The following SERPINA6 variants were observed in gnomAD, a reference collection of about 807,000 sequenced individuals.
SERPINA6 encodes the protein serpin family A member 6.
Under a neutral mutation model 26.4 loss-of-function variants are expected in SERPINA6, and 19 were observed. That is an observed-to-expected ratio of 0.72 (90% CI 0.50 to 1.06). The LOEUF is 1.06. Ranked by LOEUF, SERPINA6 falls within the 50% of genes least tolerant of loss-of-function variation. SERPINA6 has a pLI of 0.00. For missense variants in SERPINA6, 473 were observed against 504.0 expected (o/e 0.94, Z 0.59); for synonymous variants, 196 against 199.4 (o/e 0.98, Z 0.14).
chr14:94,314,253 A>G lies in SERPINA6; in HGVS notation c.396T>C (p.Phe132=). 1 of 1,614,226 alleles carries G rather than the reference A, an allele frequency of 6.2e-7. No individual in the cohort carries two copies. Among genetic ancestry groups the G allele is most frequent in the Non-Finnish European group, 8.5e-7 (1 of 1,180,046 alleles). The change falls in exon 2 of 5, where the codon TTT becomes TTC. Residue 132 remains phenylalanine (F), a synonymous_variant. Coordinates refer to ENST00000341584, the MANE Select transcript of SERPINA6 (RefSeq NM_001756.4). Reference sequence around the variant, plus strand: ...CCAGCAACTCCAGGCTGCCATCAAGAAACAAGGCATTGCCCATGGTCATTT... The same window carrying G: ...CCAGCAACTCCAGGCTGCCATCAAGGAACAAGGCATTGCCCATGGTCATTT... The part of the protein sequence containing the change: ...SLEMTMGNAL[F]LDGSLELLES...
chr14:94,321,414 C>T (rs1325069220), intron 1 of SERPINA6, among the ~76,000 whole-genome samples: 1 of 152,186 alleles, frequency 6.6e-6, no homozygotes, highest in East Asian at 1.9e-4. Context: ...CCTCCAGCCT[C>T]AAATCTGGCC....
intron 3 of SERPINA6, among the ~76,000 whole-genome samples, chr14:94,307,023 C>A (rs911213248): frequency 6.6e-6 from 1 of 152,120 alleles, no homozygotes; most frequent in African/African-American, 2.4e-5. Flanking sequence ...GCAAAAGCAG[C>A]CCTGAGTGAG....
chr14:94,323,109 A>G (rs1157223403), intron 1 of SERPINA6, among the ~76,000 whole-genome samples, 158 bp downstream of exon 1: 1 of 152,192 alleles, frequency 6.6e-6, no homozygotes, highest in East Asian at 1.9e-4. Context: ...GGAAAATCCT[A>G]ACCAGATTGC....
At position 94,304,490 on chromosome 14, in the gene SERPINA6, G is replaced by C. The variant is rs140038394; in HGVS notation, c.1146C>G (p.Pro382=). 267 of 1,614,152 alleles carry C rather than the reference G, an allele frequency of 1.7e-4. 1 individual carries two copies. In the African/African-American group the frequency reaches 2.9e-3, roughly 17 times the overall value. ...SKPIILRFNQ[P]FIIMIFDHFT... ...AGTGGTCGAAGATCATGATGATGAA[G>C]GGCTGGTTGAAACGCAAGATGATAG... The change falls in exon 5 of 5, where the codon CCC becomes CCG. Residue 382 remains proline (P), a synonymous_variant. Transcript: ENST00000341584.
intron 1 of SERPINA6, among the ~76,000 whole-genome samples, chr14:94,318,842 C>T (rs528324441): frequency 6.6e-6 from 1 of 152,188 alleles, no homozygotes; most frequent in South Asian, 2.1e-4. Flanking sequence ...CTTTGTTCAT[C>T]AAAGGATACT....
At chr14:94,305,933 G>T in intron 4 of SERPINA6, 138 bp downstream of exon 4, 1 of 873,566 alleles carries the variant, frequency 1.1e-6, no homozygotes, top group Non-Finnish European at 1.8e-6. Context: ...GTGAGACAAG[G>T]GGCTTTGACT....
At chr14:94,319,039 G>T (rs779769820) in intron 1 of SERPINA6, among the ~76,000 whole-genome samples, 7 of 152,166 alleles carry the variant, frequency 4.6e-5, no homozygotes, top group Non-Finnish European at 8.8e-5. Context: ...ACATACAAAT[G>T]GCCAGTAAGC....
intron 1 of SERPINA6, among the ~76,000 whole-genome samples, chr14:94,321,710 A>G (rs772841361): frequency 9.9e-5 from 15 of 152,050 alleles, no homozygotes; most frequent in East Asian, 7.7e-4. Context: ...GGCTCACTCC[A>G]TCTTGTCCTT....
At position 94,314,142 on chromosome 14, in the gene SERPINA6, C is replaced by G. The variant is rs760494725; in HGVS notation, c.507G>C (p.Gln169His). The G allele has an allele frequency of 6.2e-7, 1 of 1,614,210 alleles. No homozygotes were observed. Among genetic ancestry groups the G allele is most frequent in the East Asian group, 2.2e-5 (1 of 44,884 alleles). Reference protein sequence around the residue: ...NFQDWATASRQINSYVKNKTQ... With the variant: ...NFQDWATASRHINSYVKNKTQ... The stretch of plus-strand genomic sequence containing the variant: ...TCTTATTCTTGACATAGCTGTTGAT[C>G]TGTCTGCTGGCTGTTGCCCAGTCCT... Residue 169 changes from glutamine to histidine, a missense_variant, in exon 2 of 5, where the codon CAG (glutamine) becomes CAC (histidine). By Grantham distance (24) the Gln-to-His change is conservative (BLOSUM62 0). Coordinates refer to ENST00000341584, the MANE Select transcript of SERPINA6 (RefSeq NM_001756.4).
At chr14:94,316,646 C>T (rs947991538) in intron 1 of SERPINA6, among the ~76,000 whole-genome samples, 1 of 152,150 alleles carries the variant, frequency 6.6e-6, no homozygotes, top group African/African-American at 2.4e-5. Context: ...GAATTAGTGC[C>T]TACATAAAAG....
intron 1 of SERPINA6, among the ~76,000 whole-genome samples, chr14:94,322,004 C>T (rs941599): frequency 0.2 from 30,489 of 152,146 alleles, 3,437 homozygotes; most frequent in East Asian, 0.39. Flanking sequence ...GAATACCAGA[C>T]GTGGCTGTTA....
intron 2 of SERPINA6, among the ~76,000 whole-genome samples, chr14:94,313,429 A>G (rs1370821980): frequency 2.6e-5 from 4 of 152,224 alleles, no homozygotes; most frequent in Non-Finnish European, 5.9e-5. Context: ...TGTAAGTCAA[A>G]GAGGAAGGCA....
intron 3 of SERPINA6, among the ~76,000 whole-genome samples, chr14:94,307,704 G>A (rs1029431680): frequency 6.6e-6 from 1 of 152,168 alleles, no homozygotes; most frequent in Non-Finnish European, 1.5e-5. Context: ...TCACACCCAC[G>A]CATATATATG....
chr14:94,318,031 C>T (rs930157958), intron 1 of SERPINA6, among the ~76,000 whole-genome samples: 3 of 152,090 alleles, frequency 2.0e-5, no homozygotes, highest in Non-Finnish European at 2.9e-5. Flanking sequence ...TTGCATTTCC[C>T]ACCACTAACA....
rs542306048 is a variant in SERPINA6, at chr14:94,319,913, G to T, written c.-20+3354C>A. 2.6e-5 allele frequency among the ~76,000 whole-genome samples: 4 copies of T among 152,258 alleles called. No homozygotes were observed. The South Asian group carries it at 8.3e-4, about 32-fold the overall frequency. Reference sequence around the variant, plus strand: ...CACAACAATGTGAATGTACTTTTATGAACTGTATGCTTGTAGTTAAAACGT... The same window carrying T: ...CACAACAATGTGAATGTACTTTTATTAACTGTATGCTTGTAGTTAAAACGT... On this transcript the variant is annotated intron_variant, in intron 1 of 4. Coordinates refer to ENST00000341584, the MANE Select transcript of SERPINA6 (RefSeq NM_001756.4).
chr14:94,309,075 C>A lies in SERPINA6; in HGVS notation c.884+661G>T, dbSNP rs375187709. 2.6e-4 allele frequency among the ~76,000 whole-genome samples: 40 copies of A among 152,354 alleles called. No homozygotes were observed. In the East Asian group the frequency reaches 3.7e-3, roughly 14 times the overall value. On this transcript the variant is annotated intron_variant, in intron 3 of 4. Coordinates refer to ENST00000341584, the MANE Select transcript of SERPINA6 (RefSeq NM_001756.4). ...TGACCTTGCCTGAGTGTCAACCCTG[C>A]ACCAGCCCCTTGCTTGGGCCTGAGG...
rs1329784214 is a variant in SERPINA6, at chr14:94,309,883, G to A, written c.737C>T (p.Ser246Leu). The change falls in exon 3 of 5, where the codon TCG becomes TTG. Residue 246 changes from serine (S) to leucine (L), a missense_variant. By Grantham distance (145) the Ser-to-Leu change is moderately radical. Transcript: ENST00000341584. ...CTGCACCAGCTGGCAGGGGAGCTCC[G>A]AGTCATGAAGGTAACTGATGGTGCT... ...QSSTISYLHD[S>L]ELPCQLVQMN... 5.6e-6 allele frequency: 9 copies of A among 1,614,006 alleles called. No individual in the cohort carries two copies. The highest frequency in any genetic ancestry group is 4.0e-5 in the African/African-American group (3 of 74,896).
rs555365617 is a variant in SERPINA6 at position 94,304,607 on chromosome 14, T to C, written c.1033-4A>G. The C allele has an allele frequency of 6.2e-7, 1 of 1,613,572 alleles. No individual in the cohort carries two copies. The highest frequency in any genetic ancestry group is 1.3e-5 in the African/African-American group (1 of 75,036). On this transcript the variant is annotated splice_region_variant and splice_polypyrimidine_tract_variant and intron_variant, in intron 4 of 4. Coordinates refer to ENST00000341584, the MANE Select transcript of SERPINA6 (RefSeq NM_001756.4). Reference sequence around the variant, plus strand: ...GCAGCACAGCTTTATGGACCACCTGTTAGGTACAGAATGAAGATGGGTAGT... The same window carrying C: ...GCAGCACAGCTTTATGGACCACCTGCTAGGTACAGAATGAAGATGGGTAGT...
chr14:94,306,072 T>G lies in SERPINA6; in HGVS notation c.1031A>C (p.Lys344Thr). The change falls in exon 4 of 5, where the codon AAG becomes ACG. Residue 344 changes from lysine to threonine, a missense_variant and splice_region_variant. Lys to Thr is a moderately conservative substitution (Grantham distance 78, BLOSUM62 -1). Coordinates refer to ENST00000341584, the MANE Select transcript of SERPINA6 (RefSeq NM_001756.4). ...ITQDAQLKSS[K>T]VVHKAVLQLN... Reference sequence around the variant, plus strand: ...AAGGTGGGTTCCCATGACATTTACCTTTGATGACTTCAGCTGGGCGTCCTG... The same window carrying G: ...AAGGTGGGTTCCCATGACATTTACCGTTGATGACTTCAGCTGGGCGTCCTG... The G allele has an allele frequency of 6.8e-6, 11 of 1,614,216 alleles. No homozygotes were observed. The highest frequency in any genetic ancestry group is 9.3e-6 in the Non-Finnish European group (11 of 1,180,042).
Sources: gnomAD v4.1 joint callset for allele counts (sites outside exome capture counted in the v4.1 genomes callset) on GRCh38, gnomAD v4.1.1 for gene constraint, MANE v1.5 for transcripts, NCBI Gene and HGNC (gene_info 2026-07-23, HGNC 2026-07-21) for gene names.